DLG2: variants seen among roughly 807,000 people sequenced by gnomAD.
DLG2 encodes the protein discs large MAGUK scaffold protein 2.
A neutral mutation model predicts 132.5 loss-of-function variants in DLG2; 45 were observed. That is an observed-to-expected ratio of 0.34 (90% CI 0.27 to 0.44). The LOEUF (loss-of-function observed/expected upper bound fraction) is 0.44. DLG2 is among the 20% of genes least tolerant of loss of function. The pLI is 1.00. For synonymous variants in DLG2, 424 were observed against 419.6 expected (o/e 1.01, Z -0.13); for missense variants, 1,045 against 1,196.9 (o/e 0.87, Z 1.87).
At chr11:83,612,933 T>C (rs1003764236) in intron 19 of DLG2, among the ~76,000 whole-genome samples, 1 of 152,124 alleles carries the variant, frequency 6.6e-6, no homozygotes, top group Non-Finnish European at 1.5e-5. Context: ...TCAAGAGCAG[T>C]GGGTATGTTT....
chr11:83,783,784 A>G (rs2094930694), intron 18 of DLG2, among the ~76,000 whole-genome samples: 1 of 152,112 alleles, frequency 6.6e-6, no homozygotes, highest in Non-Finnish European at 1.5e-5. Flanking sequence ...CTCCATTTCC[A>G]CATTTCCATG....
At chr11:83,658,538 A>AT (rs1192023407) in intron 18 of DLG2, among the ~76,000 whole-genome samples, 2 of 152,204 alleles carry the variant, frequency 1.3e-5, no homozygotes, top group Admixed American at 1.3e-4. Flanking sequence ...TTTGACTTTC[A>AT]TTTTTTTATA....
chr11:84,992,901 T>C (rs1337550909), intron 6 of DLG2, among the ~76,000 whole-genome samples: 1 of 152,158 alleles, frequency 6.6e-6, no homozygotes, highest in Non-Finnish European at 1.5e-5. Flanking sequence ...GAAATACCAT[T>C]TGACTCAGCA....
chr11:85,308,155 A>AAAAATAAAATAAAATAAAAT (rs747745832), intron 3 of DLG2, among the ~76,000 whole-genome samples: 2,049 of 47,862 alleles, frequency 0.043, 32 homozygotes, highest in Admixed American at 0.072. Flanking sequence ...CTCTGTCTCA[A>AAAAATAAAATAAAATAAAAT]AAAATAAAAT....
chr11:85,356,665 C>A (rs1230078785), intron 3 of DLG2, among the ~76,000 whole-genome samples: 1 of 152,028 alleles, frequency 6.6e-6, no homozygotes, highest in African/African-American at 2.4e-5. Flanking sequence ...TTTATTTTTT[C>A]ATATTTACAA....
chr11:84,741,294 TCCGC>T (rs567839682), intron 6 of DLG2, among the ~76,000 whole-genome samples: 1 of 151,928 alleles, frequency 6.6e-6, no homozygotes, highest in African/African-American at 2.4e-5. Context: ...GACCTCGTGA[TCCGC>T]CCGCCTCGGC....
intron 21 of DLG2, among the ~76,000 whole-genome samples, chr11:83,500,533 G>A (rs1003751534): frequency 2.0e-5 from 3 of 152,122 alleles, no homozygotes; most frequent in African/African-American, 7.2e-5. Context: ...ATCAAACTTT[G>A]TGTGGTCACT....
At chr11:84,103,814 G>A (rs1433427882) in intron 9 of DLG2, among the ~76,000 whole-genome samples, 4 of 151,626 alleles carry the variant, frequency 2.6e-5, no homozygotes, top group Non-Finnish European at 5.9e-5. Flanking sequence ...CTCAAAATGG[G>A]GTTATATATA....
chr11:85,079,401 G>A (rs1465412816), intron 6 of DLG2, among the ~76,000 whole-genome samples: 1 of 151,966 alleles, frequency 6.6e-6, no homozygotes, highest in Non-Finnish European at 1.5e-5. Flanking sequence ...TCCCATCATG[G>A]CCTGAACTCA....
At chr11:85,317,857 A>T (rs2080796684) in intron 3 of DLG2, among the ~76,000 whole-genome samples, 1 of 151,814 alleles carries the variant, frequency 6.6e-6, no homozygotes, top group African/African-American at 2.4e-5. Context: ...AATCCCCATG[A>T]CACAATTTTA....
At chr11:84,013,056 T>G (rs2094972924) in intron 11 of DLG2, among the ~76,000 whole-genome samples, 1 of 152,166 alleles carries the variant, frequency 6.6e-6, no homozygotes, top group African/African-American at 2.4e-5. Context: ...CAACTACCTT[T>G]AGAAGGGATT....
At chr11:84,266,935 G>C (rs746271537) in intron 7 of DLG2, among the ~76,000 whole-genome samples, 14 of 152,230 alleles carry the variant, frequency 9.2e-5, no homozygotes, top group Non-Finnish European at 1.9e-4. Context: ...AGTAGGAAGA[G>C]GAGAAGTGCA....
Position 83,826,371 on chromosome 11 carries a change from A to T in DLG2, c.1722+7243T>A, listed in dbSNP as rs115884161. ...CACAAGCCATATCTGTTTTCATTTG[A>T]GGTGGTCTTGTGATCAGGTGAGCAG... On this transcript the variant is annotated intron_variant, in intron 17 of 27. Coordinates refer to ENST00000376104, the MANE Select transcript of DLG2 (RefSeq NM_001142699.3). 1.2e-3 allele frequency among the ~76,000 whole-genome samples: 181 copies of T among 152,210 alleles called. 1 individual carries two copies. The highest frequency in any genetic ancestry group is 4.1e-3 in the African/African-American group (171 of 41,516).
chr11:84,503,724 A>T (rs2099229533), intron 7 of DLG2, among the ~76,000 whole-genome samples: 1 of 152,242 alleles, frequency 6.6e-6, no homozygotes, highest in African/African-American at 2.4e-5. Flanking sequence ...CAAGTTCAAC[A>T]GTATATGCAT....
At chr11:84,617,710 T>A (rs1196632744) in intron 6 of DLG2, among the ~76,000 whole-genome samples, 1 of 152,086 alleles carries the variant, frequency 6.6e-6, no homozygotes, top group African/African-American at 2.4e-5. Flanking sequence ...GATGGCCATA[T>A]AATTCATCAT....
At chr11:84,501,433 T>G (rs2099204779) in intron 7 of DLG2, among the ~76,000 whole-genome samples, 1 of 152,086 alleles carries the variant, frequency 6.6e-6, no homozygotes, top group African/African-American at 2.4e-5. Context: ...GGCATAGTGG[T>G]GCATGCCTGT....
At chr11:83,844,310 C>T (rs2058184868) in intron 16 of DLG2, among the ~76,000 whole-genome samples, 1 of 147,696 alleles carries the variant, frequency 6.8e-6, no homozygotes, top group African/African-American at 2.5e-5. Flanking sequence ...TTTGGGAGGC[C>T]GAGGCGGGTG....
At chr11:84,333,996 T>C (rs2098472628) in intron 7 of DLG2, among the ~76,000 whole-genome samples, 2 of 152,184 alleles carry the variant, frequency 1.3e-5, no homozygotes, top group East Asian at 1.9e-4. Context: ...TACCAAACTA[T>C]AGGGCCTGCC....
intron 8 of DLG2, among the ~76,000 whole-genome samples, chr11:84,196,244 G>C (rs193286342): frequency 6.6e-6 from 1 of 152,178 alleles, no homozygotes; most frequent in East Asian, 1.9e-4. Context: ...ATAAAACATG[G>C]TCCCCTTTGC....
Sources: gnomAD v4.1 joint callset for allele counts (sites outside exome capture counted in the v4.1 genomes callset) on GRCh38, gnomAD v4.1.1 for gene constraint, MANE v1.5 for transcripts, NCBI Gene and HGNC (gene_info 2026-07-23, HGNC 2026-07-21) for gene names.